CDH10: variants seen among roughly 807,000 people sequenced by gnomAD.
CDH10 encodes the protein cadherin-10.
A neutral mutation model predicts 73.1 loss-of-function variants in CDH10; 30 were observed. The ratio of observed to expected loss-of-function variants is 0.41; its 90% CI spans 0.31 to 0.56. The LOEUF (loss-of-function observed/expected upper bound fraction) is 0.56, where lower values mean the gene tolerates loss of function less well. CDH10 is among the 20% of genes least tolerant of loss of function. The pLI is 0.27. For missense variants in CDH10, 815 were observed against 973.7 expected, an observed-to-expected ratio of 0.84 and a Z score of 2.17; for synonymous variants, 345 against 348.2, an observed-to-expected ratio of 0.99 and a Z score of 0.10.
At chr5:24,541,451 A>T (rs1328283627) in intron 2 of CDH10, among the ~76,000 whole-genome samples, 2 of 152,140 alleles carry the variant, frequency 1.3e-5, no homozygotes, top group East Asian at 3.9e-4. Flanking sequence ...CAGCTTTCTC[A>T]TGATTCTTCC....
At chr5:24,542,519 T>C (rs1388127943) in intron 2 of CDH10, among the ~76,000 whole-genome samples, 4 of 152,208 alleles carry the variant, frequency 2.6e-5, no homozygotes, top group Non-Finnish European at 5.9e-5. Context: ...CAATAGGCCC[T>C]ACCATATAGC....
chr5:24,540,842 A>G (rs1272690504), intron 2 of CDH10, among the ~76,000 whole-genome samples: 3 of 151,988 alleles, frequency 2.0e-5, no homozygotes, highest in Admixed American at 6.6e-5. Flanking sequence ...GTTTAATGAA[A>G]GATGGTCTTT....
chr5:24,644,207 T>A (rs1286869819), intron 1 of CDH10, among the ~76,000 whole-genome samples: 2 of 152,126 alleles, frequency 1.3e-5, no homozygotes, highest in South Asian at 2.1e-4. Flanking sequence ...GATGTTAGAG[T>A]TCACAGTAAC....
intron 1 of CDH10, among the ~76,000 whole-genome samples, chr5:24,625,450 A>C (rs1235397048): frequency 3.3e-5 from 5 of 151,680 alleles, no homozygotes. Flanking sequence ...ATTAGATATA[A>C]TAAACTCTCT....
At chr5:24,520,446 A>G (rs184732009) in intron 5 of CDH10, among the ~76,000 whole-genome samples, 22 of 152,308 alleles carry the variant, frequency 1.4e-4, no homozygotes, top group Non-Finnish European at 2.9e-4. Context: ...TTTTAAGAAT[A>G]CATACATTCT....
At chr5:24,631,579 C>A (rs1222666081) in intron 1 of CDH10, among the ~76,000 whole-genome samples, 1 of 151,970 alleles carries the variant, frequency 6.6e-6, no homozygotes, top group East Asian at 1.9e-4. Flanking sequence ...AGAGTACTCA[C>A]CTTTCAAGTC....
intron 1 of CDH10, among the ~76,000 whole-genome samples, chr5:24,619,420 C>T (rs1200392786): frequency 6.6e-6 from 1 of 152,136 alleles, no homozygotes; most frequent in Non-Finnish European, 1.5e-5. Flanking sequence ...GTCTCAATCT[C>T]CTGACCTCGT....
At chr5:24,639,900 G>T (rs993613301) in intron 1 of CDH10, among the ~76,000 whole-genome samples, 4 of 151,690 alleles carry the variant, frequency 2.6e-5, no homozygotes, top group Non-Finnish European at 5.9e-5. Flanking sequence ...ATAATTTGGA[G>T]GAGTCATTTC....
At chr5:24,639,341 A>G (rs182015811) in intron 1 of CDH10, among the ~76,000 whole-genome samples, 4 of 151,842 alleles carry the variant, frequency 2.6e-5, no homozygotes, top group Admixed American at 2.0e-4. Flanking sequence ...ACATTTTAAA[A>G]GTTTGTATTA....
At chr5:24,523,089 A>G (rs1321555586) in intron 5 of CDH10, among the ~76,000 whole-genome samples, 1 of 147,196 alleles carries the variant, frequency 6.8e-6, no homozygotes, top group African/African-American at 2.5e-5. Context: ...GAAAACGGGG[A>G]TGGGGGCAGG....
chr5:24,547,414 G>C (rs771533992), intron 2 of CDH10, among the ~76,000 whole-genome samples: 10 of 152,148 alleles, frequency 6.6e-5, no homozygotes, highest in African/African-American at 2.4e-4. Flanking sequence ...GCTTTTTCCC[G>C]AGGGAATTTG....
rs190298246 is a variant in CDH10, at chr5:24,605,102, A to T, written c.-123-11489T>A. ...ATAGATGGAAAATAAGCATATAAAG[A>T]CTTGCTCAACATCATTCATCCGTAT... On this transcript the variant is annotated intron_variant, in intron 1 of 11. Transcript: ENST00000264463. 4.6e-3 allele frequency among the ~76,000 whole-genome samples: 699 copies of T among 152,326 alleles called. 3 individuals are homozygous for T. Among genetic ancestry groups the T allele is most frequent in the South Asian group, 9.3e-3 (45 of 4,832 alleles).
chr5:24,630,067 C>A (rs573100028), intron 1 of CDH10, among the ~76,000 whole-genome samples: 13 of 152,132 alleles, frequency 8.5e-5, no homozygotes, highest in African/African-American at 2.9e-4. Flanking sequence ...AGATACTAGG[C>A]TGTGAGTTGG....
chr5:24,608,064 G>T (rs1436343083), intron 1 of CDH10, among the ~76,000 whole-genome samples: 1 of 151,982 alleles, frequency 6.6e-6, no homozygotes, highest in Non-Finnish European at 1.5e-5. Flanking sequence ...AAACACTAGT[G>T]TATGTAAGAT....
chr5:24,568,529 C>A (rs543306833), intron 2 of CDH10, among the ~76,000 whole-genome samples: 1 of 151,686 alleles, frequency 6.6e-6, no homozygotes, highest in South Asian at 2.1e-4. Context: ...AAATTGGAAC[C>A]CTTGTGCATT....
intron 2 of CDH10, among the ~76,000 whole-genome samples, chr5:24,552,613 G>T (rs1744588136): frequency 6.6e-6 from 1 of 151,698 alleles, no homozygotes. Context: ...GTTAATATAG[G>T]CAATAATAGG....
intron 7 of CDH10, among the ~76,000 whole-genome samples, chr5:24,509,239 C>CTTT (rs1417301899): frequency 6.0e-5 from 2 of 33,352 alleles, no homozygotes; most frequent in African/African-American, 9.6e-5. Context: ...TCTCCTTTTT[C>CTTT]CTTTTTTTTT....
At chr5:24,620,643 G>A (rs1747282204) in intron 1 of CDH10, among the ~76,000 whole-genome samples, 1 of 152,022 alleles carries the variant, frequency 6.6e-6, no homozygotes, top group South Asian at 2.1e-4. Context: ...TACTTTTCTG[G>A]CCTTTATATA....
chr5:24,569,541 A>G, intron 2 of CDH10, among the ~76,000 whole-genome samples: 1 of 152,296 alleles, frequency 6.6e-6, no homozygotes, highest in East Asian at 1.9e-4. Context: ...TATTTTGAAA[A>G]TAATTTTCAT....
Sources: gnomAD v4.1 joint callset for allele counts (sites outside exome capture counted in the v4.1 genomes callset) on GRCh38, gnomAD v4.1.1 for gene constraint, MANE v1.5 for transcripts, NCBI Gene and HGNC (gene_info 2026-07-23, HGNC 2026-07-21) for gene names.